The following PLEKHS1 variants were observed in gnomAD, a reference collection of about 807,000 sequenced individuals.
The protein encoded by PLEKHS1 is pleckstrin homology domain-containing family S member 1.
Under a neutral mutation model 51.0 loss-of-function variants are expected in PLEKHS1, and 55 were observed. The observed-to-expected ratio is 1.08, with a 90% CI of 0.87 to 1.35. PLEKHS1 has a LOEUF of 1.35. Among genes scored for constraint, PLEKHS1 ranks in the 40% most tolerant of loss-of-function variants. The probability of loss-of-function intolerance (pLI) is 0.00; values close to 1 mark genes in which losing one functional copy is unlikely to be tolerated. For synonymous variants in PLEKHS1, 153 were observed against 144.8 expected (o/e 1.06, Z -0.41); for missense variants, 398 against 423.0 (o/e 0.94, Z 0.52).
chr10:113,752,360 A>AAATCTTTC (rs1288761660), intron 1 of PLEKHS1, among the ~76,000 whole-genome samples: 1 of 152,206 alleles, frequency 6.6e-6, no homozygotes, highest in Non-Finnish European at 1.5e-5. Flanking sequence ...CATATACATA[A>AAATCTTTC]AATCTTTCAT....
chr10:113,780,433 C>G (rs1230415070), intron 11 of PLEKHS1, among the ~76,000 whole-genome samples, 169 bp from the exon 13 acceptor site: 6 of 152,168 alleles, frequency 3.9e-5, no homozygotes, highest in Non-Finnish European at 8.8e-5. Flanking sequence ...CACCTTCCAC[C>G]TAACTAGCCA....
In PLEKHS1 at chr10:113,769,696, A is replaced by G. The variant is rs139627581; in HGVS notation, c.436-88A>G. ...ATGTTAGATTGCTATGGGAAAAGAC[A>G]GGAGGCAAGGAGCCCGGTAGAGAGG... On this transcript the variant is annotated intron_variant, in intron 6 of 11. Transcript: ENST00000361048. 792 of 802,762 alleles carry G rather than the reference A, an allele frequency of 9.9e-4. 6 individuals carry two copies. In the African/African-American group the frequency reaches 0.012, roughly 12 times the overall value. The allele number at this position is 802,762 out of a possible 1,614,324, so 49.7% of individuals were successfully genotyped here.
intron 2 of PLEKHS1, among the ~76,000 whole-genome samples, chr10:113,759,167 G>T (rs1451945924): frequency 6.6e-6 from 1 of 152,180 alleles, no homozygotes; most frequent in East Asian, 1.9e-4. Context: ...ACTTTGGAAG[G>T]CTGAGGTGGG....
rs1844312239 is a variant in PLEKHS1 at position 113,769,688 on chromosome 10, G to C, written c.436-96G>C. 3 of 776,328 alleles carry C rather than the reference G, an allele frequency of 3.9e-6. No homozygotes were observed. The African/African-American group carries it at 5.2e-5, about 13-fold the overall frequency. The allele number at this position is 776,328 out of a possible 1,614,324, so 48.1% of individuals were successfully genotyped here. On this transcript the variant is annotated intron_variant, in intron 6 of 11. Transcript: ENST00000361048. ...CGGCATGAATGTTAGATTGCTATGGGAAAAGACAGGAGGCAAGGAGCCCGG... is the reference window on the plus strand; with the variant it reads ...CGGCATGAATGTTAGATTGCTATGGCAAAAGACAGGAGGCAAGGAGCCCGG...
At chr10:113,772,671 C>T (rs563700168) in intron 8 of PLEKHS1, among the ~76,000 whole-genome samples, 7 of 152,220 alleles carry the variant, frequency 4.6e-5, no homozygotes, top group East Asian at 3.9e-4. Flanking sequence ...AGACGTGGTC[C>T]GTGTGCTCTG....
Position 113,780,865 on chromosome 10 carries a change from A to G in PLEKHS1, c.*263A>G, listed in dbSNP as rs1844845224. On this transcript the variant is annotated 3_prime_UTR_variant, in exon 12 of 12. Transcript: ENST00000361048. ...CCCTGCTGCTGCCATGTGATAGGAG[A>G]CAGTCGGCACCCCCCTCTGAATTTC... is the stretch of plus-strand genomic sequence containing the variant. The G allele has an allele frequency of 8.0e-6, 10 of 1,254,240 alleles. 1 individual carries two copies. In the Admixed American group the frequency reaches 1.3e-4, roughly 17 times the overall value. 77.7% of individuals were successfully genotyped at this position (1,254,240 alleles called of 1,614,324 possible). A position where few individuals can be genotyped will look rare whatever the true frequency, so the allele number is the denominator to read the frequency against.
At chr10:113,755,154 C>A in intron 1 of PLEKHS1, 105 bp from the exon 2 acceptor site, 1 of 1,282,644 alleles carries the variant, frequency 7.8e-7, no homozygotes, top group South Asian at 1.7e-5. Flanking sequence ...CCCATCTCAG[C>A]AACATTCGTG....
At chr10:113,779,357 T>C (rs949568126) in intron 11 of PLEKHS1, among the ~76,000 whole-genome samples, 4 of 152,116 alleles carry the variant, frequency 2.6e-5, no homozygotes, top group South Asian at 4.2e-4. Flanking sequence ...GATCATGAGG[T>C]CAGGAATTCG....
chr10:113,753,839 C>T (rs1386552846), intron 1 of PLEKHS1, among the ~76,000 whole-genome samples: 1 of 152,048 alleles, frequency 6.6e-6, no homozygotes, highest in Non-Finnish European at 1.5e-5. Context: ...GAGATGGAGT[C>T]TTGCTCTATC....
At chr10:113,752,137 G>A (rs1853870485) in intron 1 of PLEKHS1, among the ~76,000 whole-genome samples, 3 of 152,138 alleles carry the variant, frequency 2.0e-5, no homozygotes, top group Non-Finnish European at 2.9e-5. Context: ...TAGATAGGAG[G>A]AAAAGCAAAG....
At position 113,770,512 on chromosome 10, in the gene PLEKHS1, C is replaced by A. The variant is rs550114584; in HGVS notation, c.552+612C>A. 2.6e-5 allele frequency among the ~76,000 whole-genome samples: 4 copies of A among 152,248 alleles called. No homozygotes were observed. In the East Asian group the frequency reaches 7.7e-4, roughly 29 times the overall value. On this transcript the variant is annotated intron_variant, in intron 7 of 11. Coordinates refer to ENST00000361048, the Ensembl canonical transcript of PLEKHS1. ...CATAAACATGCTGAGTGGTTTTGTT[C>A]TCTGGCACGGATACTATTTTGTCTC...
At chr10:113,769,923 C>T in intron 7 of PLEKHS1, 23 bp downstream of exon 7, 1 of 1,524,442 alleles carries the variant, frequency 6.6e-7, no homozygotes, top group Admixed American at 1.7e-5. Context: ...ACTTCTTTCT[C>T]AGGACACCAC....
chr10:113,778,241 G>GT (rs1176886714), intron 11 of PLEKHS1, among the ~76,000 whole-genome samples: 3 of 152,198 alleles, frequency 2.0e-5, no homozygotes, highest in Middle Eastern at 3.2e-3. Context: ...CAGGATGGAG[G>GT]TGAAAGGAGA....
exon 7 of PLEKHS1, chr10:113,769,814 C>T (rs145174759): frequency 3.1e-6 from 5 of 1,613,788 alleles, no homozygotes; most frequent in African/African-American, 1.3e-5. Context: ...TAAAAGAACC[C>T]TCTTCTACTC....
chr10:113,772,458 T>C (rs1015588907), intron 8 of PLEKHS1, among the ~76,000 whole-genome samples: 1 of 152,006 alleles, frequency 6.6e-6, no homozygotes, highest in African/African-American at 2.4e-5. Flanking sequence ...GCAGAAAGAA[T>C]AATATGAGCC....
intron 10 of PLEKHS1, among the ~76,000 whole-genome samples, chr10:113,775,473 C>T (rs1564827157): frequency 6.6e-6 from 1 of 152,154 alleles, no homozygotes; most frequent in Non-Finnish European, 1.5e-5. Context: ...CTTTTCCATG[C>T]CTTCTTCTAT....
At chr10:113,781,433 CCCCAACACCTCCTT>C (rs1206211470) in exon 12 of PLEKHS1, 1 of 118,614 alleles carries the variant, frequency 8.4e-6, no homozygotes, top group Non-Finnish European at 1.8e-5. Flanking sequence ...ACACCTCCTT[CCCCAACACCTCCTT>C]CCCAACACCT....
intron 6 of PLEKHS1, among the ~76,000 whole-genome samples, chr10:113,769,344 A>G (rs947048638): frequency 6.6e-6 from 1 of 152,234 alleles, no homozygotes; most frequent in East Asian, 1.9e-4. Flanking sequence ...GCCTCTGCTA[A>G]TGTTCCTTTC....
intron 11 of PLEKHS1, among the ~76,000 whole-genome samples, chr10:113,776,369 ACT>A (rs1242307418): frequency 3.3e-5 from 5 of 152,278 alleles, no homozygotes; most frequent in Non-Finnish European, 7.4e-5. Context: ...TAAAGCAATC[ACT>A]GTCTATTTGA....
Sources: allele counts gnomAD v4.1 joint callset (sites outside exome capture counted in the v4.1 genomes callset), GRCh38; gene constraint gnomAD v4.1.1; transcripts MANE v1.5; gene names NCBI Gene and HGNC (gene_info 2026-07-23, HGNC 2026-07-21).